The following TCERG1L variants were observed in gnomAD, a reference collection of about 807,000 sequenced individuals.
TCERG1L encodes transcription elongation regulator 1 like.
A neutral mutation model predicts 56.3 loss-of-function variants in TCERG1L; 37 were observed. That is an observed-to-expected ratio of 0.66 (90% CI 0.51 to 0.87). The LOEUF is 0.87. Ranked by LOEUF, TCERG1L falls within the 40% of genes least tolerant of loss-of-function variation. The pLI is 0.00. For missense variants in TCERG1L, 799 were observed against 774.2 expected (o/e 1.03, Z -0.38); for synonymous variants, 324 against 326.3 (o/e 0.99, Z 0.08).
Position 131,104,304 on chromosome 10 carries a change from G to T in TCERG1L, c.1446C>A (p.Asp482Glu). The T allele has an allele frequency of 6.4e-7, 1 of 1,551,118 alleles. No homozygotes were observed. Among genetic ancestry groups the T allele is most frequent in the Non-Finnish European group, 8.7e-7 (1 of 1,146,444 alleles). ...CAGAGTTGAGCAGGAGATAGCGTGG[G>T]TCAAACACGATTTTGTGTAATTCTT... is the stretch of plus-strand genomic sequence containing the variant. ...WEKELHKIVF[D>E]PRYLLLNSEE... is the part of the protein sequence containing the mutation. Residue 482 changes from aspartate to glutamate, a missense_variant, in exon 10 of 12, where the codon GAC becomes GAA. Transcript: ENST00000368642.
chr10:131,198,503 A>G (rs899279203), intron 4 of TCERG1L, among the ~76,000 whole-genome samples: 2 of 152,266 alleles, frequency 1.3e-5, no homozygotes, highest in Non-Finnish European at 2.9e-5. Flanking sequence ...TGAGTAATTT[A>G]TAAAGAGCAG....
intron 3 of TCERG1L, among the ~76,000 whole-genome samples, chr10:131,278,529 G>A (rs996872324): frequency 6.6e-6 from 1 of 151,002 alleles, no homozygotes; most frequent in East Asian, 2.0e-4. Context: ...TGTTAGTAGA[G>A]ACAGGGTTTC....
chr10:131,094,708 G>T (rs1413406339), intron 11 of TCERG1L, among the ~76,000 whole-genome samples: 3 of 151,002 alleles, frequency 2.0e-5, no homozygotes, highest in Admixed American at 6.6e-5. Context: ...TTTTCTCCCG[G>T]TTCCTTTCTT....
chr10:131,146,625 A>T lies in TCERG1L; in HGVS notation c.1070T>A (p.Phe357Tyr). 1.2e-6 allele frequency: 2 copies of T among 1,613,738 alleles called. No individual in the cohort carries two copies. The highest frequency in any genetic ancestry group is 4.5e-5 in the East Asian group (2 of 44,864). Residue 357 changes from phenylalanine to tyrosine, a missense_variant, in exon 7 of 12, where the codon TTC becomes TAC. By Grantham distance (22) the Phe-to-Tyr change is conservative. Transcript: ENST00000368642. ...AGACAGGTGCATCGTTGGGTTGAAG[A>T]AGAAAACTCGGTCATCGCCCGTCCA... is the stretch of plus-strand genomic sequence containing the variant. ...VVWTGDDRVF[F>Y]FNPTMHLSVW...
intron 4 of TCERG1L, among the ~76,000 whole-genome samples, chr10:131,237,517 T>C (rs1192937255): frequency 1.3e-5 from 2 of 152,248 alleles, no homozygotes; most frequent in African/African-American, 4.8e-5. Context: ...GCAATGAGGA[T>C]GCATTAGTGC....
intron 11 of TCERG1L, among the ~76,000 whole-genome samples, 185 bp downstream of exon 11, chr10:131,098,121 G>A (rs1845267840): frequency 6.6e-6 from 1 of 152,172 alleles, no homozygotes. Flanking sequence ...ACATTTGGAG[G>A]CTCATGACAG....
At chr10:131,282,255 C>T (rs1846467095) in intron 3 of TCERG1L, among the ~76,000 whole-genome samples, 1 of 148,862 alleles carries the variant, frequency 6.7e-6, no homozygotes, top group East Asian at 2.0e-4. Flanking sequence ...AGACCCCACG[C>T]TTTCAAACGT....
chr10:131,270,107 CCTT>C (rs1301539219), intron 3 of TCERG1L, among the ~76,000 whole-genome samples: 1 of 152,212 alleles, frequency 6.6e-6, no homozygotes, highest in Non-Finnish European at 1.5e-5. Flanking sequence ...CTTCCTATGT[CCTT>C]CTCTGCACCC....
intron 3 of TCERG1L, among the ~76,000 whole-genome samples, chr10:131,288,217 C>G (rs548032038): frequency 1.3e-4 from 20 of 152,136 alleles, no homozygotes; most frequent in Admixed American, 3.9e-4. Context: ...TGTTTCTCCC[C>G]CCAACTCTCT....
In TCERG1L at chr10:131,111,220, G is replaced by A. The variant is rs1346292948; in HGVS notation, c.1395+5579C>T. Reference sequence around the variant, plus strand: ...GCTGGGCTCAGCCGGGCACACTCACGTGCATCTGCAGAAACGTGTGTCTGT... The same window carrying A: ...GCTGGGCTCAGCCGGGCACACTCACATGCATCTGCAGAAACGTGTGTCTGT... On this transcript the variant is annotated intron_variant, in intron 9 of 11. Transcript: ENST00000368642. Among the ~76,000 whole-genome samples the A allele has an allele frequency of 3.5e-5, 5 of 142,690 alleles. 1 individual carries two copies. Among genetic ancestry groups the A allele is most frequent in the African/African-American group, 7.4e-5 (3 of 40,442 alleles). The allele number at this position is 142,690 out of a possible 152,430, so 93.6% of individuals were successfully genotyped here. A position where few individuals can be genotyped will look rare whatever the true frequency, so the allele number is the denominator to read the frequency against.
rs536926651 is a variant in TCERG1L at position 131,092,854 on chromosome 10, C to G, written c.*308G>C. ...GCCTTGAGATTGTTACAGAGGCTCC[C>G]GTTCCTGCTTCCCCACAGTCCTGCA... On this transcript the variant is annotated 3_prime_UTR_variant, in exon 12 of 12. Coordinates refer to ENST00000368642, the MANE Select transcript of TCERG1L (RefSeq NM_174937.4). 4 of 224,628 alleles carry G rather than the reference C, an allele frequency of 1.8e-5. No homozygotes were observed. Among genetic ancestry groups the G allele is most frequent in the African/African-American group, 9.1e-5 (4 of 43,942 alleles). 13.9% of individuals were successfully genotyped at this position (224,628 alleles called of 1,614,324 possible).
At chr10:131,147,822 G>A (rs888276659) in intron 6 of TCERG1L, among the ~76,000 whole-genome samples, 3 of 152,220 alleles carry the variant, frequency 2.0e-5, no homozygotes, top group East Asian at 1.9e-4. Flanking sequence ...GCCCACTCAC[G>A]CCTCACTCCC....
At chr10:131,095,263 G>A (rs527256886) in intron 11 of TCERG1L, 10 of 154,650 alleles carry the variant, frequency 6.5e-5, no homozygotes, top group South Asian at 5.4e-4. Flanking sequence ...CAACCCCACC[G>A]GGCGGCCAAC....
intron 6 of TCERG1L, among the ~76,000 whole-genome samples, chr10:131,152,477 C>T (rs1845875688): frequency 2.0e-5 from 3 of 152,216 alleles, no homozygotes; most frequent in Admixed American, 1.3e-4. Flanking sequence ...TTGGTCAAAG[C>T]CATTCAACAA....
chr10:131,108,584 T>A (rs543659460), intron 9 of TCERG1L, among the ~76,000 whole-genome samples: 119 of 152,334 alleles, frequency 7.8e-4, no homozygotes, highest in African/African-American at 2.8e-3. Flanking sequence ...CAGTGCCCAG[T>A]GAATCTCCTT....
chr10:131,253,985 A>C (rs1246227006), intron 4 of TCERG1L, among the ~76,000 whole-genome samples: 1 of 93,796 alleles, frequency 1.1e-5, no homozygotes, highest in African/African-American at 3.0e-5. Flanking sequence ...AGTGAGGAGA[A>C]GGAGTTCGTT....
At chr10:131,121,443 C>A (rs544330301) in intron 8 of TCERG1L, among the ~76,000 whole-genome samples, 1 of 152,320 alleles carries the variant, frequency 6.6e-6, no homozygotes, top group Admixed American at 6.5e-5. Context: ...CAAATGTGAT[C>A]CTGTTAATTT....
chr10:131,295,134 C>T (rs551808140), intron 3 of TCERG1L, among the ~76,000 whole-genome samples: 29 of 152,292 alleles, frequency 1.9e-4, no homozygotes, highest in African/African-American at 6.5e-4. Context: ...GGGATCCACT[C>T]ACATCATTGC....
At position 131,283,503 on chromosome 10, in the gene TCERG1L, T is replaced by A. The variant is rs866125144; in HGVS notation, c.671-23059A>T. Among the ~76,000 whole-genome samples the A allele has an allele frequency of 2.0e-5, 3 of 152,008 alleles. No homozygotes were observed. In the South Asian group the frequency reaches 6.2e-4, roughly 32 times the overall value. On this transcript the variant is annotated intron_variant, in intron 3 of 11. Transcript: ENST00000368642. ...AAGCTCAAAGTTAAAGAACACCGGA[T>A]AAAGGAAGTAAACCACCATACAGAG... is the stretch of plus-strand genomic sequence containing the variant.
Sources: gnomAD v4.1 joint callset for allele counts (sites outside exome capture counted in the v4.1 genomes callset) on GRCh38, gnomAD v4.1.1 for gene constraint, MANE v1.5 for transcripts, NCBI Gene and HGNC (gene_info 2026-07-23, HGNC 2026-07-21) for gene names.